ETV7: variants seen among roughly 807,000 people sequenced by gnomAD.
ETV7 encodes the protein transcription factor ETV7.
In ETV7, 43 loss-of-function variants were observed where a neutral mutation model predicts 39.1. That is an observed-to-expected ratio of 1.10 (90% CI 0.86 to 1.42). The LOEUF is 1.42. Among genes scored for constraint, ETV7 ranks in the 40% most tolerant of loss-of-function variants. The pLI is 0.00. For synonymous variants in ETV7, 196 were observed against 176.6 expected, an observed-to-expected ratio of 1.11 and a Z score of -0.87; for missense variants, 432 against 442.3, an observed-to-expected ratio of 0.98 and a Z score of 0.21.
intron 2 of ETV7, among the ~76,000 whole-genome samples, chr6:36,383,536 G>A (rs1244825776): frequency 2.0e-5 from 3 of 152,038 alleles, no homozygotes; most frequent in Non-Finnish European, 4.4e-5. Context: ...TAAAATGGAG[G>A]TTGGAGGTAG....
downstream of ETV7, among the ~76,000 whole-genome samples, chr6:36,365,237 G>A (rs1212989947): frequency 6.6e-6 from 1 of 152,220 alleles, no homozygotes; most frequent in East Asian, 1.9e-4. Context: ...AGAGGCTCTG[G>A]CCCTCAGGAG....
Position 36,366,513 on chromosome 6 carries a change from G to GC in ETV7, c.*131dup, listed in dbSNP as rs1772724479. The stretch of plus-strand genomic sequence containing the variant: ...ATGGGAGGCCTCCCAGCCTTCCCAA[G>GC]CAATGGCTGTAATCCTGTGGGTACA... On this transcript the variant is annotated 3_prime_UTR_variant, in exon 8 of 8. Coordinates refer to ENST00000340181, the MANE Select transcript of ETV7 (RefSeq NM_016135.4). 3.9e-6 allele frequency: 6 copies of GC among 1,531,462 alleles called. No individual in the cohort carries two copies. The highest frequency in any genetic ancestry group is 5.2e-6 in the Non-Finnish European group (6 of 1,142,946). 94.9% of individuals were successfully genotyped at this position (1,531,462 alleles called of 1,614,324 possible). A position where few individuals can be genotyped will look rare whatever the true frequency, so the allele number is the denominator to read the frequency against.
chr6:36,354,599 C>G (rs1772290672), exon 8 of ETV7: 2 of 688,772 alleles, frequency 2.9e-6, no homozygotes, highest in Admixed American at 4.3e-5. Context: ...TGTGGGTCCT[C>G]CAACTTTGTT....
intron 2 of ETV7, among the ~76,000 whole-genome samples, chr6:36,376,984 C>T (rs1034973055): frequency 2.0e-5 from 3 of 152,138 alleles, no homozygotes; most frequent in African/African-American, 7.2e-5. Context: ...GAGCCTCCTA[C>T]ACTCACCTTC....
chr6:36,356,835 G>A (rs1449359863), intron 7 of ETV7, among the ~76,000 whole-genome samples: 1 of 152,214 alleles, frequency 6.6e-6, no homozygotes, highest in African/African-American at 2.4e-5. Flanking sequence ...TCTCTCCTAA[G>A]GATTAAGGCA....
rs1011146668 is a variant in ETV7, at chr6:36,375,860, G to A, written c.307+11C>T. On this transcript the variant is annotated intron_variant, in intron 3 of 7. Transcript: ENST00000340181. ...TTCCCGCTTAGAGGAAAGCCTGTGC[G>A]TTTCCCTGACCTGAGCTGGGCGCAC... The A allele has an allele frequency of 5.6e-6, 9 of 1,613,902 alleles. No individual in the cohort carries two copies. The highest frequency in any genetic ancestry group is 4.5e-5 in the East Asian group (2 of 44,880).
At chr6:36,358,442 A>T (rs2127380644) in intron 7 of ETV7, among the ~76,000 whole-genome samples, 1 of 152,358 alleles carries the variant, frequency 6.6e-6, no homozygotes, top group South Asian at 2.1e-4. Flanking sequence ...TCAGTCAGGA[A>T]AAAATAATGT....
chr6:36,362,340 G>C (rs1772520103), downstream of ETV7, among the ~76,000 whole-genome samples: 1 of 151,942 alleles, frequency 6.6e-6, no homozygotes, highest in African/African-American at 2.4e-5. Context: ...GCGGGTGCCT[G>C]TAGTCCCAGC....
chr6:36,356,711 T>C (rs1187676869), intron 7 of ETV7, among the ~76,000 whole-genome samples: 1 of 152,188 alleles, frequency 6.6e-6, no homozygotes, highest in African/African-American at 2.4e-5. Flanking sequence ...CCCCAACTGC[T>C]GGGGGCAGGA....
intron 2 of ETV7, among the ~76,000 whole-genome samples, chr6:36,385,104 G>A (rs1224789677): frequency 2.0e-5 from 3 of 152,090 alleles, no homozygotes; most frequent in African/African-American, 7.2e-5. Context: ...AAGCCGAGAT[G>A]GGAGGATTAC....
intron 2 of ETV7, among the ~76,000 whole-genome samples, chr6:36,379,197 G>A (rs11755362): frequency 0.41 from 62,987 of 152,034 alleles, 14,036 homozygotes; most frequent in African/African-American, 0.56. Flanking sequence ...CATATTTTTT[G>A]TGTAGTTCCC....
chr6:36,386,663 G>T (rs565239044), intron 1 of ETV7, among the ~76,000 whole-genome samples: 8 of 152,372 alleles, frequency 5.3e-5, no homozygotes, highest in African/African-American at 1.7e-4. Flanking sequence ...TGCCGAGAGA[G>T]AATTTGGATC....
At chr6:36,386,056 G>A (rs1433384235) in intron 1 of ETV7, among the ~76,000 whole-genome samples, 2 of 152,152 alleles carry the variant, frequency 1.3e-5, no homozygotes, top group Non-Finnish European at 2.9e-5. Context: ...GACCAGGTGC[G>A]GTGGCTCACA....
downstream of ETV7, among the ~76,000 whole-genome samples, chr6:36,362,118 G>A (rs1772508021): frequency 6.6e-6 from 1 of 152,140 alleles, no homozygotes; most frequent in South Asian, 2.1e-4. Context: ...CTAACATGGT[G>A]AAACCTTGTC....
chr6:36,369,271 G>A (rs1268991814), intron 5 of ETV7, among the ~76,000 whole-genome samples, 200 bp from the exon 6 acceptor site: 3 of 152,204 alleles, frequency 2.0e-5, no homozygotes, highest in African/African-American at 7.2e-5. Context: ...AGTCTGGGAA[G>A]TCGTTACCTT....
intron 3 of ETV7, among the ~76,000 whole-genome samples, chr6:36,373,824 C>T (rs924604641): frequency 1.3e-5 from 2 of 152,254 alleles, no homozygotes; most frequent in Non-Finnish European, 2.9e-5. Context: ...ACGCAGCCGC[C>T]TCCAGGGCAT....
downstream of ETV7, among the ~76,000 whole-genome samples, chr6:36,363,351 G>T (rs113963188): frequency 1.6e-4 from 10 of 62,448 alleles, no homozygotes; most frequent in East Asian, 8.0e-4. Context: ...AGCCCTTAAG[G>T]CACCGCGTCT....
chr6:36,381,207 C>T (rs1773635084), intron 2 of ETV7, among the ~76,000 whole-genome samples: 1 of 152,114 alleles, frequency 6.6e-6, no homozygotes, highest in African/African-American at 2.4e-5. Context: ...TTGGCCAGTA[C>T]CCTAAAAATG....
At chr6:36,364,295 G>C (rs1012476554), downstream of ETV7, among the ~76,000 whole-genome samples, 50 of 152,336 alleles carry the variant, frequency 3.3e-4, no homozygotes, top group African/African-American at 1.2e-3. Context: ...GCGCTCGTCG[G>C]GGAGGCTCAG....
Sources: gnomAD v4.1 joint callset for allele counts (sites outside exome capture counted in the v4.1 genomes callset) on GRCh38, gnomAD v4.1.1 for gene constraint, MANE v1.5 for transcripts, NCBI Gene and HGNC (gene_info 2026-07-23, HGNC 2026-07-21) for gene names.